The following SEMA3A variants were observed in gnomAD, a reference collection of about 807,000 sequenced individuals.
SEMA3A encodes the protein semaphorin-3A.
SEMA3A carries 29 observed loss-of-function variants against 97.9 expected under a neutral mutation model. The observed-to-expected ratio is 0.30, with a 90% CI of 0.22 to 0.40. The LOEUF is 0.40. Among genes scored for constraint, SEMA3A ranks in the 10% least tolerant of loss-of-function variants. SEMA3A has a pLI of 1.00. For missense variants in SEMA3A, 763 were observed against 951.3 expected, an observed-to-expected ratio of 0.80 and a Z score of 2.60; for synonymous variants, 321 against 323.7, an observed-to-expected ratio of 0.99 and a Z score of 0.09.
At chr7:84,259,255 G>A (rs1370518451) in intron 3 of SEMA3A, among the ~76,000 whole-genome samples, 1 of 152,098 alleles carries the variant, frequency 6.6e-6, no homozygotes, top group Admixed American at 6.6e-5. Flanking sequence ...TTAATTCTAT[G>A]CAACACACAA....
chr7:84,113,897 A>AT (rs1318726373), intron 3 of SEMA3A, among the ~76,000 whole-genome samples: 1 of 152,030 alleles, frequency 6.6e-6, no homozygotes, highest in African/African-American at 2.4e-5. Flanking sequence ...ACTTACCCTT[A>AT]TTTTTTTAAG....
intron 2 of SEMA3A, among the ~76,000 whole-genome samples, chr7:84,323,157 A>T (rs749983943): frequency 6.6e-6 from 1 of 152,196 alleles, no homozygotes; most frequent in Non-Finnish European, 1.5e-5. Context: ...TATTAACAAC[A>T]ATGCTTTCTT....
At chr7:84,329,169 A>G (rs907686053) in intron 2 of SEMA3A, among the ~76,000 whole-genome samples, 21 of 151,964 alleles carry the variant, frequency 1.4e-4, no homozygotes, top group African/African-American at 4.1e-4. Context: ...AGAGAAATCA[A>G]TGACATTTTG....
At chr7:84,131,003 T>G (rs1032837597) in intron 2 of SEMA3A, among the ~76,000 whole-genome samples, 27 of 152,012 alleles carry the variant, frequency 1.8e-4, no homozygotes, top group African/African-American at 6.5e-4. Flanking sequence ...TGTGATTCTT[T>G]TATCTAAGTA....
chr7:84,257,977 A>C (rs555366377), intron 3 of SEMA3A, among the ~76,000 whole-genome samples: 14 of 152,286 alleles, frequency 9.2e-5, no homozygotes, highest in African/African-American at 3.4e-4. Flanking sequence ...TTCTGTGACA[A>C]GTCAAATGTT....
chr7:84,402,230 G>A (rs980836952), intron 1 of SEMA3A, among the ~76,000 whole-genome samples: 6 of 152,072 alleles, frequency 3.9e-5, no homozygotes, highest in Non-Finnish European at 7.4e-5. Flanking sequence ...CGACACCACG[G>A]CTGGGTATAT....
chr7:84,387,081 G>A (rs1310739878), intron 1 of SEMA3A, among the ~76,000 whole-genome samples: 1 of 152,152 alleles, frequency 6.6e-6, no homozygotes, highest in African/African-American at 2.4e-5. Flanking sequence ...GAGGTTAAAA[G>A]AGATAATTTG....
At chr7:84,425,679 T>C (rs1804800679) in intron 1 of SEMA3A, among the ~76,000 whole-genome samples, 1 of 148,676 alleles carries the variant, frequency 6.7e-6, no homozygotes, top group African/African-American at 2.5e-5. Context: ...CTTTATATAA[T>C]TGTAATGAAG....
chr7:84,379,727 T>C (rs1293658363), intron 1 of SEMA3A, among the ~76,000 whole-genome samples: 1 of 152,092 alleles, frequency 6.6e-6, no homozygotes, highest in Non-Finnish European at 1.5e-5. Flanking sequence ...AAACTAAAGC[T>C]CTTTGTTCAT....
chr7:84,285,673 A>G (rs1800563202), intron 3 of SEMA3A, among the ~76,000 whole-genome samples: 1 of 152,136 alleles, frequency 6.6e-6, no homozygotes, highest in Non-Finnish European at 1.5e-5. Context: ...TTGGCAAGGC[A>G]TGGTGGCTCA....
At chr7:84,125,960 A>C (rs2158566) in intron 3 of SEMA3A, among the ~76,000 whole-genome samples, 122,229 of 152,078 alleles carry the variant, frequency 0.8, 49,175 homozygotes, top group East Asian at 0.93. Context: ...TTATTACCTT[A>C]AATTTTCAGA....
chr7:84,005,851 A>G (rs1052230735), intron 10 of SEMA3A, among the ~76,000 whole-genome samples: 1 of 152,084 alleles, frequency 6.6e-6, no homozygotes, highest in South Asian at 2.1e-4. Context: ...TGGGAGGCTG[A>G]GGTAGGAGAA....
At chr7:84,097,053 C>G (rs1794798116) in intron 4 of SEMA3A, among the ~76,000 whole-genome samples, 1 of 151,848 alleles carries the variant, frequency 6.6e-6, no homozygotes, top group Non-Finnish European at 1.5e-5. Context: ...TACAATTGTC[C>G]CCAAGATTGA....
chr7:84,037,044 C>G (rs565508180), intron 6 of SEMA3A, among the ~76,000 whole-genome samples: 1 of 151,996 alleles, frequency 6.6e-6, no homozygotes, highest in South Asian at 2.1e-4. Flanking sequence ...TGACAAAAAT[C>G]TCATCAGGAA....
intron 3 of SEMA3A, among the ~76,000 whole-genome samples, chr7:84,299,806 G>T (rs141166596): frequency 0.83 from 982 of 1,180 alleles, 445 homozygotes; most frequent in Middle Eastern, 1. Flanking sequence ...AATAAGACTA[G>T]ATCACCTGAG....
intron 4 of SEMA3A, among the ~76,000 whole-genome samples, chr7:84,062,323 G>C (rs567333262): frequency 6.6e-6 from 1 of 152,176 alleles, no homozygotes; most frequent in Middle Eastern, 3.4e-3. Context: ...AAAATTATAT[G>C]AAAAGACATA....
chr7:84,160,675 T>G (rs1463954406), intron 1 of SEMA3A, among the ~76,000 whole-genome samples: 7 of 151,370 alleles, frequency 4.6e-5, no homozygotes, highest in African/African-American at 1.7e-4. Context: ...GGTAGGAGTC[T>G]GAGATCAGCC....
intron 3 of SEMA3A, among the ~76,000 whole-genome samples, chr7:84,285,600 C>A (rs1015291334): frequency 1.2e-4 from 19 of 152,112 alleles, no homozygotes; most frequent in Admixed American, 3.9e-4. Flanking sequence ...CTCAGAGTTT[C>A]ATTTAATGCT....
rs544141446 is a variant in SEMA3A, at chr7:84,407,483, G to C, written c.-245-35583C>G. On this transcript the variant is annotated intron_variant, in intron 1 of 3. Transcript: ENST00000424555. ...GTCATACTGCCCAAGGTAATTTATA[G>C]ATTCAATGCCATCCACATCAAGTTA... 2.6e-5 allele frequency among the ~76,000 whole-genome samples: 4 copies of C among 152,154 alleles called. No individual in the cohort carries two copies. In the East Asian group the frequency reaches 7.7e-4, roughly 29 times the overall value.
Sources: gnomAD v4.1 joint callset for allele counts (sites outside exome capture counted in the v4.1 genomes callset) on GRCh38, gnomAD v4.1.1 for gene constraint, MANE v1.5 for transcripts, NCBI Gene and HGNC (gene_info 2026-07-23, HGNC 2026-07-21) for gene names.